The following PIBF1 variants were observed in gnomAD, a reference collection of about 807,000 sequenced individuals.
The protein encoded by PIBF1 is progesterone-induced-blocking factor 1.
PIBF1 carries 90 observed loss-of-function variants against 112.5 expected under a neutral mutation model. The observed-to-expected ratio is 0.80, with a 90% confidence interval of 0.67 to 0.95. The LOEUF is 0.95. Ranked by LOEUF, PIBF1 falls within the 40% of genes least tolerant of loss-of-function variation. The pLI is 0.00. For missense variants in PIBF1, 915 were observed against 852.3 expected, an observed-to-expected ratio of 1.07 and a Z score of -0.92; for synonymous variants, 301 against 288.6, an observed-to-expected ratio of 1.04 and a Z score of -0.44.
chr13:72,975,945 T>C (rs1401249294), intron 16 of PIBF1, among the ~76,000 whole-genome samples: 1 of 152,214 alleles, frequency 6.6e-6, no homozygotes, highest in Non-Finnish European at 1.5e-5. Flanking sequence ...AATTTTTTTT[T>C]CAGAATGGCA....
chr13:72,942,162 C>T (rs1207252354), intron 14 of PIBF1, among the ~76,000 whole-genome samples: 1 of 150,534 alleles, frequency 6.6e-6, no homozygotes, highest in African/African-American at 2.4e-5. Context: ...GACCACACCT[C>T]AACATTATAA....
intron 14 of PIBF1, among the ~76,000 whole-genome samples, chr13:72,946,214 T>G (rs2042145566): frequency 6.6e-6 from 1 of 152,016 alleles, no homozygotes; most frequent in Non-Finnish European, 1.5e-5. Flanking sequence ...ACGTCCTTCT[T>G]CACATGGTGG....
At chr13:72,921,541 A>G (rs957615957) in intron 13 of PIBF1, among the ~76,000 whole-genome samples, 1 of 152,168 alleles carries the variant, frequency 6.6e-6, no homozygotes, top group African/African-American at 2.4e-5. Flanking sequence ...TAATAGTTTA[A>G]TTTATTGTCA....
intron 5 of PIBF1, among the ~76,000 whole-genome samples, chr13:72,807,109 A>G (rs2035774521): frequency 6.6e-6 from 1 of 151,554 alleles, no homozygotes; most frequent in Non-Finnish European, 1.5e-5. Flanking sequence ...AAATGGGCAG[A>G]CTTTGTAAGA....
intron 5 of PIBF1, 145 bp from the exon 6 acceptor site, chr13:72,821,704 A>G (rs142692486): frequency 0.015 from 7,831 of 540,044 alleles, 84 homozygotes; most frequent in Non-Finnish European, 0.019. Context: ...AATAGGGAAA[A>G]ATTACTAAAT....
At chr13:72,863,691 T>C (rs1248950973) in intron 10 of PIBF1, among the ~76,000 whole-genome samples, 1 of 151,022 alleles carries the variant, frequency 6.6e-6, no homozygotes, top group Non-Finnish European at 1.5e-5. Flanking sequence ...TGAGGATTTT[T>C]AAAGATGGAA....
chr13:73,003,233 A>G (rs1420228407), intron 17 of PIBF1, among the ~76,000 whole-genome samples: 2 of 152,054 alleles, frequency 1.3e-5, no homozygotes, highest in African/African-American at 2.4e-5. Context: ...GGAAAGCTAT[A>G]TGTCATCTGG....
chr13:72,804,944 G>GA (rs2035649408), intron 5 of PIBF1, among the ~76,000 whole-genome samples: 1 of 152,124 alleles, frequency 6.6e-6, no homozygotes, highest in Non-Finnish European at 1.5e-5. Context: ...CAAGGTCCAT[G>GA]ATATATAGCT....
chr13:73,014,647 C>G (rs1421562917), intron 17 of PIBF1, among the ~76,000 whole-genome samples: 1 of 152,146 alleles, frequency 6.6e-6, no homozygotes, highest in Non-Finnish European at 1.5e-5. Flanking sequence ...ATGGAAGAGT[C>G]TGTGCATGTG....
At chr13:72,967,876 T>C (rs1325405520) in intron 15 of PIBF1, among the ~76,000 whole-genome samples, 1 of 152,096 alleles carries the variant, frequency 6.6e-6, no homozygotes, top group Non-Finnish European at 1.5e-5. Flanking sequence ...AATAGAACTT[T>C]CTATAATGAT....
chr13:72,935,817 G>A (rs1404823238), intron 14 of PIBF1, among the ~76,000 whole-genome samples: 4 of 151,736 alleles, frequency 2.6e-5, no homozygotes, highest in Middle Eastern at 3.2e-3. Context: ...GAGTTTCTTT[G>A]CCCTCTGTTT....
intron 5 of PIBF1, among the ~76,000 whole-genome samples, chr13:72,817,707 A>G (rs954903467): frequency 2.0e-5 from 3 of 152,176 alleles, no homozygotes; most frequent in Non-Finnish European, 4.4e-5. Flanking sequence ...TAGTCTTCCC[A>G]CAAAGGTTGA....
intron 3 of PIBF1, among the ~76,000 whole-genome samples, chr13:72,794,226 T>G (rs2035078385): frequency 6.6e-6 from 1 of 152,144 alleles, no homozygotes; most frequent in Non-Finnish European, 1.5e-5. Context: ...AATTTAGATG[T>G]CATTGAGATT....
intron 14 of PIBF1, among the ~76,000 whole-genome samples, chr13:72,964,427 A>G (rs1280580706): frequency 1.3e-5 from 2 of 152,206 alleles, no homozygotes; most frequent in Non-Finnish European, 2.9e-5. Flanking sequence ...ATTCAACATT[A>G]TGAATGTACT....
chr13:72,969,677 A>G (rs922810528), intron 15 of PIBF1: 1 of 152,172 alleles, frequency 6.6e-6, no homozygotes, highest in South Asian at 2.1e-4. Flanking sequence ...CCCTACTCGA[A>G]GCAAATGGCA....
chr13:72,992,759 C>T (rs749918155), intron 16 of PIBF1, among the ~76,000 whole-genome samples: 2 of 152,016 alleles, frequency 1.3e-5, no homozygotes, highest in African/African-American at 4.8e-5. Context: ...GAGCCAAAAT[C>T]GCACCATTGC....
intron 10 of PIBF1, among the ~76,000 whole-genome samples, chr13:72,893,479 A>G (rs908083380): frequency 6.6e-6 from 1 of 152,142 alleles, no homozygotes; most frequent in African/African-American, 2.4e-5. Flanking sequence ...TATAGAAATT[A>G]AATCATTCTA....
chr13:73,000,999 A>G (rs890501780), intron 17 of PIBF1, among the ~76,000 whole-genome samples: 7 of 152,324 alleles, frequency 4.6e-5, no homozygotes, highest in African/African-American at 1.4e-4. Context: ...CAAAAGAGGT[A>G]CAAGCTCAGC....
At chr13:72,825,511 A>G (rs1439840848) in intron 6 of PIBF1, among the ~76,000 whole-genome samples, 1 of 152,182 alleles carries the variant, frequency 6.6e-6, no homozygotes, top group East Asian at 1.9e-4. Context: ...TACAATTTTC[A>G]CGGGATGTGA....
Sources: gnomAD v4.1 joint callset for allele counts (sites outside exome capture counted in the v4.1 genomes callset) on GRCh38, gnomAD v4.1.1 for gene constraint, MANE v1.5 for transcripts, NCBI Gene and HGNC (gene_info 2026-07-23, HGNC 2026-07-21) for gene names.